Variants in RIMS2 observed in about 807,000 individuals in gnomAD.
The protein encoded by RIMS2 is regulating synaptic membrane exocytosis protein 2.
In RIMS2, 59 loss-of-function variants were observed where a neutral mutation model predicts 174.4. The observed-to-expected ratio is 0.34, with a 90% CI of 0.27 to 0.42. The LOEUF (loss-of-function observed/expected upper bound fraction) is 0.42. Among genes scored for constraint, RIMS2 ranks in the 10% least tolerant of loss-of-function variants. The pLI, the probability that RIMS2 is intolerant of heterozygous loss-of-function variation, is 1.00. For synonymous variants in RIMS2, 606 were observed against 572.5 expected (o/e 1.06, Z -0.84); for missense variants, 1,620 against 1,666.3 (o/e 0.97, Z 0.48).
intron 19 of RIMS2, among the ~76,000 whole-genome samples, chr8:104,211,056 C>T (rs2099103093): frequency 6.6e-6 from 1 of 152,146 alleles, no homozygotes; most frequent in African/African-American, 2.4e-5. Flanking sequence ...AAACTAGAGA[C>T]ACACACCCAA....
intron 19 of RIMS2, among the ~76,000 whole-genome samples, chr8:104,220,048 A>C (rs1290498331): frequency 6.6e-6 from 1 of 152,170 alleles, no homozygotes; most frequent in African/African-American, 2.4e-5. Context: ...TTTTTTTTAA[A>C]GTAGAATTCT....
At chr8:104,244,819 A>C in intron 19 of RIMS2, 97 bp from the exon 26 acceptor site, 1 of 929,184 alleles carries the variant, frequency 1.1e-6, no homozygotes, top group Non-Finnish European at 1.7e-6. Flanking sequence ...TTTTATTTAC[A>C]CAGTTCTTTG....
At chr8:104,081,336 A>C (rs2097416871) in intron 19 of RIMS2, among the ~76,000 whole-genome samples, 1 of 152,056 alleles carries the variant, frequency 6.6e-6, no homozygotes. Flanking sequence ...GCTTTTATTC[A>C]ATAGAACATA....
intron 1 of RIMS2, among the ~76,000 whole-genome samples, chr8:103,619,223 G>A (rs1286319179): frequency 4.0e-5 from 6 of 151,456 alleles, no homozygotes; most frequent in Non-Finnish European, 5.9e-5. Flanking sequence ...TCTTAGAAAA[G>A]TATCTTAGTA....
chr8:104,162,558 C>A (rs2098769598), intron 19 of RIMS2, among the ~76,000 whole-genome samples: 1 of 151,944 alleles, frequency 6.6e-6, no homozygotes, highest in Admixed American at 6.6e-5. Flanking sequence ...TTTATATGAC[C>A]CCCATTATTG....
rs571006962 is a variant in RIMS2, at chr8:104,000,894, T to A, written c.3044+11473T>A. Among the ~76,000 whole-genome samples, 5 of 152,078 alleles carry A rather than the reference T, an allele frequency of 3.3e-5. No homozygotes were observed. In the East Asian group the frequency reaches 7.7e-4, roughly 23 times the overall value. On this transcript the variant is annotated intron_variant, in intron 17 of 23. Coordinates refer to ENST00000504942, the Ensembl canonical transcript of RIMS2. ...GTCTATTCAAATATTTTATCCATTTTAAAAAATCAGATTATTATTGTTATT... is the reference window on the plus strand; with the variant it reads ...GTCTATTCAAATATTTTATCCATTTAAAAAAATCAGATTATTATTGTTATT...
intron 14 of RIMS2, among the ~76,000 whole-genome samples, chr8:103,955,512 T>G (rs1426929045): frequency 1.3e-5 from 2 of 152,132 alleles, no homozygotes; most frequent in African/African-American, 2.4e-5. Flanking sequence ...CATGATTATC[T>G]CAATAGATGC....
intron 4 of RIMS2, among the ~76,000 whole-genome samples, chr8:103,887,839 A>C (rs2099214321): frequency 6.6e-6 from 1 of 151,676 alleles, no homozygotes; most frequent in East Asian, 1.9e-4. Context: ...GAAGAGCCAT[A>C]AAATTTTACT....
intron 19 of RIMS2, among the ~76,000 whole-genome samples, chr8:104,211,460 G>A (rs2099104917): frequency 6.6e-6 from 1 of 152,120 alleles, no homozygotes; most frequent in Non-Finnish European, 1.5e-5. Flanking sequence ...GATAAAATTA[G>A]ACATACAGGT....
intron 1 of RIMS2, among the ~76,000 whole-genome samples, chr8:103,583,176 A>G (rs1207375541): frequency 6.6e-6 from 1 of 152,190 alleles, no homozygotes; most frequent in Non-Finnish European, 1.5e-5. Flanking sequence ...TTCTTGTTTT[A>G]GATTCTCAAG....
At chr8:104,124,131 A>T (rs1260410650) in intron 19 of RIMS2, among the ~76,000 whole-genome samples, 1 of 152,182 alleles carries the variant, frequency 6.6e-6, no homozygotes, top group South Asian at 2.1e-4. Flanking sequence ...AGAGAAAAAC[A>T]AAACTTTTTT....
At chr8:103,939,845 A>C (rs2082128318) in intron 13 of RIMS2, among the ~76,000 whole-genome samples, 1 of 152,182 alleles carries the variant, frequency 6.6e-6, no homozygotes, top group Non-Finnish European at 1.5e-5. Flanking sequence ...GTAAAGTGCC[A>C]CCAGTCTCTT....
chr8:104,035,252 GTT>G lies in RIMS2; in HGVS notation c.3334+20647_3334+20648del, dbSNP rs34443389. On this transcript the variant is annotated intron_variant, in intron 19 of 23. Coordinates refer to ENST00000504942, the Ensembl canonical transcript of RIMS2. Reference sequence around the variant, plus strand: ...CTTGTATCTTATATGGAAAATAACTGTTTTTTTTTTTGTAAAAGTGAAGGCAA... The same window carrying G: ...CTTGTATCTTATATGGAAAATAACTGTTTTTTTTTGTAAAAGTGAAGGCAA... Among the ~76,000 whole-genome samples, 323 of 146,128 alleles carry G rather than the reference GTT, an allele frequency of 2.2e-3. 1 individual carries two copies. The highest frequency in any genetic ancestry group is 7.7e-3 in the African/African-American group (309 of 40,236).
At chr8:104,147,852 A>G (rs1006605348) in intron 19 of RIMS2, among the ~76,000 whole-genome samples, 9 of 152,318 alleles carry the variant, frequency 5.9e-5, no homozygotes, top group Admixed American at 1.3e-4. Flanking sequence ...TCCCAGTTGC[A>G]GTATTAGTCT....
chr8:103,588,696 G>A (rs2094100572), intron 1 of RIMS2, among the ~76,000 whole-genome samples: 1 of 151,852 alleles, frequency 6.6e-6, no homozygotes, highest in Admixed American at 6.6e-5. Context: ...TGGAAAAACT[G>A]GATATCCATA....
rs184577388 is a variant in RIMS2, at chr8:104,141,370, T to C, written c.3335-103546T>C. ...GACAGACTAAAGAGTTTAAATAAAC[T>C]TTTTGTGTTCAGTTAATAAAGGAAT... On this transcript the variant is annotated intron_variant, in intron 19 of 23. Transcript: ENST00000504942. Among the ~76,000 whole-genome samples, 148 of 152,296 alleles carry C rather than the reference T, an allele frequency of 9.7e-4. 1 individual carries two copies. The East Asian group carries it at 0.017, about 17-fold the overall frequency.
In RIMS2 at chr8:103,949,147, A is replaced by G. The variant is rs1018988710; in HGVS notation, c.2701+6221A>G. On this transcript the variant is annotated intron_variant, in intron 14 of 23. Coordinates refer to ENST00000504942, the Ensembl canonical transcript of RIMS2. ...GTCAAAAAAAAAAAAAAAAAAAAAA[A>G]GGGAAAGGGAAAGGGAAAGGGAAAG... 2.9e-5 allele frequency among the ~76,000 whole-genome samples: 3 copies of G among 105,092 alleles called. No individual in the cohort carries two copies. The East Asian group carries it at 6.4e-4, about 22-fold the overall frequency. The allele number at this position is 105,092 out of a possible 152,430, so 68.9% of individuals were successfully genotyped here. A position where few individuals can be genotyped will look rare whatever the true frequency, so the allele number is the denominator to read the frequency against.
intron 19 of RIMS2, among the ~76,000 whole-genome samples, chr8:104,043,891 C>T (rs2096649715): frequency 6.6e-6 from 1 of 151,250 alleles, no homozygotes; most frequent in Non-Finnish European, 1.5e-5. Flanking sequence ...AGGAAATTGC[C>T]TAGAATATAG....
At chr8:103,909,833 G>A (rs1181854844) in intron 4 of RIMS2, among the ~76,000 whole-genome samples, 1 of 151,510 alleles carries the variant, frequency 6.6e-6, no homozygotes, top group African/African-American at 2.4e-5. Context: ...TACATTTTTT[G>A]TTTCTATTTC....
Sources: allele counts gnomAD v4.1 joint callset (sites outside exome capture counted in the v4.1 genomes callset), GRCh38; gene constraint gnomAD v4.1.1; transcripts MANE v1.5; gene names NCBI Gene and HGNC (gene_info 2026-07-23, HGNC 2026-07-21).